Variants in SPEN observed in about 807,000 individuals in gnomAD.
The protein encoded by SPEN is msx2-interacting protein.
In SPEN, 18 loss-of-function variants were observed where a neutral mutation model predicts 269.9. That is an observed-to-expected ratio of 0.07 (90% CI 0.05 to 0.10). The LOEUF is 0.10. SPEN is among the 10% of genes least tolerant of loss of function. SPEN has a pLI of 1.00. For synonymous variants in SPEN, 1,726 were observed against 1,765.7 expected, an observed-to-expected ratio of 0.98 and a Z score of 0.56; for missense variants, 3,822 against 4,631.2, an observed-to-expected ratio of 0.83 and a Z score of 5.07.
intron 1 of SPEN, among the ~76,000 whole-genome samples, chr1:15,858,802 G>A (rs1449829065): frequency 1.3e-5 from 2 of 152,022 alleles, no homozygotes; most frequent in Admixed American, 1.3e-4. Context: ...AAAAAACCCG[G>A]GCACGATGGC....
chr1:15,872,560 A>G (rs2070590829), intron 1 of SPEN, among the ~76,000 whole-genome samples: 1 of 150,892 alleles, frequency 6.6e-6, no homozygotes, highest in Non-Finnish European at 1.5e-5. Context: ...AGATTGTGCC[A>G]CTGCACTCCA....
Position 15,939,523 on chromosome 1 carries a change from G to T in SPEN, c.*96G>T. On this transcript the variant is annotated 3_prime_UTR_variant, in exon 15 of 15. Transcript: ENST00000375759. This position sits in a 1 kb window ranked among gnomAD's most constrained non-coding sequence, Gnocchi z 4.1. ...AAGCAGAGGAAGAAGCTGCCGAAGG[G>T]GACAGACTCCACTGCCAGACGGCCA... 3 of 1,400,748 alleles carry T rather than the reference G, an allele frequency of 2.1e-6. No homozygotes were observed. Among genetic ancestry groups the T allele is most frequent in the Non-Finnish European group, 2.8e-6 (3 of 1,059,712 alleles). The allele number at this position is 1,400,748 out of a possible 1,614,324, so 86.8% of individuals were successfully genotyped here.
intron 1 of SPEN, among the ~76,000 whole-genome samples, chr1:15,855,069 T>C (rs990566814): frequency 6.6e-6 from 1 of 152,180 alleles, no homozygotes; most frequent in African/African-American, 2.4e-5. Flanking sequence ...ATTTAAAGAT[T>C]TGTATTATAT....
chr1:15,937,134 T>C lies in SPEN; in HGVS notation c.10027-29T>C, dbSNP rs1327123380. The stretch of plus-strand genomic sequence containing the variant: ...GGGCTTGTGCACAACAGACTGACTC[T>C]GTCCCTTTGCCTTCCTTCCCTACAC... On this transcript the variant is annotated intron_variant, in intron 11 of 14. Transcript: ENST00000375759. The surrounding 1 kb of genome is among the most constrained non-coding windows in gnomAD (Gnocchi z 5.7). 1 of 1,595,560 alleles carries C rather than the reference T, an allele frequency of 6.3e-7. No homozygotes were observed. The highest frequency in any genetic ancestry group is 1.3e-5 in the African/African-American group (1 of 74,542).
chr1:15,878,564 C>G (rs1382071375), intron 3 of SPEN, among the ~76,000 whole-genome samples: 2 of 152,170 alleles, frequency 1.3e-5, no homozygotes, highest in Non-Finnish European at 2.9e-5. Context: ...TGATGAAATT[C>G]ATTTGAACCC....
At position 15,919,409 on chromosome 1, in the gene SPEN, T is replaced by G; in HGVS notation, c.1527T>G (p.Gly509=). 6.3e-7 allele frequency: 1 copy of G among 1,592,834 alleles called. No individual in the cohort carries two copies. Among genetic ancestry groups the G allele is most frequent in the Non-Finnish European group, 8.5e-7 (1 of 1,174,556 alleles). The part of the protein sequence containing the change: ...EYLGNNRLKL[G]FGKSMPTNCV... ...ATTTTGCCTTTTATATTCAGCTGGG[T>G]TTTGGAAAGAGCATGCCTACAAACT... Residue 509 remains glycine (G), a synonymous_variant, in exon 8 of 15, where the codon GGT becomes GGG. Coordinates refer to ENST00000375759, the MANE Select transcript of SPEN (RefSeq NM_015001.3).
At chr1:15,894,646 T>A (rs1293446720) in intron 3 of SPEN, among the ~76,000 whole-genome samples, 1 of 149,504 alleles carries the variant, frequency 6.7e-6, no homozygotes. Flanking sequence ...GTTCAAATGA[T>A]TCTCGTGCCT....
In SPEN at chr1:15,922,342, G is replaced by A. The variant is rs767352538; in HGVS notation, c.1843G>A (p.Glu615Lys). The A allele has an allele frequency of 5.0e-6, 8 of 1,601,138 alleles. No homozygotes were observed. The highest frequency in any genetic ancestry group is 1.1e-5 in the South Asian group (1 of 87,806). Residue 615 changes from glutamate (E) to lysine (K), a missense_variant, in exon 10 of 15, where the codon GAA (glutamate) becomes AAA (lysine). Physicochemically the swap from Glu to Lys is moderately conservative, Grantham distance 56 (BLOSUM62 1). Around this residue, in one of 16 missense-constraint regions of SPEN, gnomAD observed 230 missense variants for 426.1 expected, o/e 0.54. Coordinates refer to ENST00000375759, the MANE Select transcript of SPEN (RefSeq NM_015001.3). ...CAGAGACTTTTATGAAATGTTAGCC[G>A]AAAGAAGGTATGTATTTTAAACTTA... ...DIRDFYEMLA[E>K]RREERRASYD...
chr1:15,910,293 A>C (rs902768646), intron 4 of SPEN, among the ~76,000 whole-genome samples: 1 of 152,058 alleles, frequency 6.6e-6, no homozygotes, highest in Non-Finnish European at 1.5e-5. Flanking sequence ...GCCTTTCTAT[A>C]CACCTTTTAT....
At position 15,928,901 on chromosome 1, in the gene SPEN, G is replaced by A; in HGVS notation, c.2661G>A (p.Glu887=). The A allele has an allele frequency of 6.2e-7, 1 of 1,614,174 alleles. No individual in the cohort carries two copies. Among genetic ancestry groups the A allele is most frequent in the African/African-American group, 1.3e-5 (1 of 75,040 alleles). The change falls in exon 11 of 15, where the codon GAG becomes GAA. Residue 887 remains glutamate (E), a synonymous_variant. Coordinates refer to ENST00000375759, the MANE Select transcript of SPEN (RefSeq NM_015001.3). The surrounding 1 kb of genome is among the most constrained non-coding windows in gnomAD (Gnocchi z 5.7). Reference sequence around the variant, plus strand: ...TTTTGACTCGAGTGAAAGAGAAAGAGGGAAAGGTCATTGACCACACTCCTG... The same window carrying A: ...TTTTGACTCGAGTGAAAGAGAAAGAAGGAAAGGTCATTGACCACACTCCTG... ...CVVLTRVKEK[E]GKVIDHTPVE...
Position 15,938,895 on chromosome 1 carries a change from T to C in SPEN, c.10863+19T>C. ...CAATCAGGTCGGTTGTCCTGTGTCC[T>C]TCCTTCACATGTACACCCACAGGTG... On this transcript the variant is annotated intron_variant, in intron 14 of 14. Transcript: ENST00000375759. 1 of 1,609,816 alleles carries C rather than the reference T, an allele frequency of 6.2e-7. No individual in the cohort carries two copies. The highest frequency in any genetic ancestry group is 8.5e-7 in the Non-Finnish European group (1 of 1,177,924).
At chr1:15,898,482 T>C in intron 3 of SPEN, among the ~76,000 whole-genome samples, 1 of 151,904 alleles carries the variant, frequency 6.6e-6, no homozygotes, top group East Asian at 1.9e-4. Flanking sequence ...GTATGGCTGG[T>C]TTATTTCATT....
rs748386052 is a variant in SPEN, at chr1:15,873,062, T to G, written c.330T>G (p.Gly110=). 1 of 1,614,098 alleles carries G rather than the reference T, an allele frequency of 6.2e-7. No individual in the cohort carries two copies. The highest frequency in any genetic ancestry group is 8.5e-7 in the Non-Finnish European group (1 of 1,180,012). ...RSREVSGFRG[G]GGGPAYGPPP... Reference sequence around the variant, plus strand: ...GAGAGGTTTCTGGGTTCAGAGGAGGTGGTGGAGGGCCTGCTTATGGTCCCC... The same window carrying G: ...GAGAGGTTTCTGGGTTCAGAGGAGGGGGTGGAGGGCCTGCTTATGGTCCCC... The change falls in exon 2 of 15, where the codon GGT becomes GGG. Residue 110 remains glycine, a synonymous_variant. Transcript: ENST00000375759.
chr1:15,933,928 G>C lies in SPEN; in HGVS notation c.7688G>C (p.Ser2563Thr). ...SVTTAIAEPV[S>T]AAPCLHEAPP... ...ACCACAGCCATTGCAGAGCCTGTCAGTGCTGCCCCTTGCCTACATGAGGCC... is the reference window on the plus strand; with the variant it reads ...ACCACAGCCATTGCAGAGCCTGTCACTGCTGCCCCTTGCCTACATGAGGCC... The change falls in exon 11 of 15, where the codon AGT becomes ACT. Residue 2563 changes from serine to threonine, a missense_variant. Physicochemically the swap from Ser to Thr is moderately conservative, Grantham distance 58. Coordinates refer to ENST00000375759, the MANE Select transcript of SPEN (RefSeq NM_015001.3). This position sits in a 1 kb window ranked among gnomAD's most constrained non-coding sequence, Gnocchi z 5.7. The C allele has an allele frequency of 6.2e-7, 1 of 1,614,064 alleles. No homozygotes were observed. The highest frequency in any genetic ancestry group is 8.5e-7 in the Non-Finnish European group (1 of 1,180,010).
At chr1:15,874,080 A>G (rs1355168823) in intron 2 of SPEN, 9 of 1,334,560 alleles carry the variant, frequency 6.7e-6, no homozygotes, top group Non-Finnish European at 8.9e-6. Context: ...CTCTTCTGCC[A>G]GCTACCTGAT....
chr1:15,850,180 T>G (rs1028701263), intron 1 of SPEN, among the ~76,000 whole-genome samples: 3 of 152,046 alleles, frequency 2.0e-5, no homozygotes, highest in African/African-American at 4.8e-5. Context: ...GATCTCAGAA[T>G]GCACAGAGGG....
intron 4 of SPEN, 49 bp from the exon 5 acceptor site, chr1:15,911,052 T>C (rs998020558): frequency 6.8e-7 from 1 of 1,470,206 alleles, no homozygotes; most frequent in Non-Finnish European, 9.3e-7. Flanking sequence ...CTTATTTAGT[T>C]ATAATTAAAT....
At chr1:15,885,600 T>G (rs2070729933) in intron 3 of SPEN, among the ~76,000 whole-genome samples, 1 of 152,136 alleles carries the variant, frequency 6.6e-6, no homozygotes, top group Non-Finnish European at 1.5e-5. Context: ...CTTGGAAGGG[T>G]TAGGGAAGAA....
At position 15,931,253 on chromosome 1, in the gene SPEN, G is replaced by A; in HGVS notation, c.5013G>A (p.Glu1671=). ...KTVEAPLVTE[E]KTVEPATVSE... Reference sequence around the variant, plus strand: ...TAGAGGCGCCTTTGGTAACAGAAGAGAAGACTGTGGAGCCAGCTACCGTCT... The same window carrying A: ...TAGAGGCGCCTTTGGTAACAGAAGAAAAGACTGTGGAGCCAGCTACCGTCT... The change falls in exon 11 of 15, where the codon GAG becomes GAA. Residue 1671 remains glutamate, a synonymous_variant. Transcript: ENST00000375759. The surrounding 1 kb of genome is among the most constrained non-coding windows in gnomAD (Gnocchi z 4.8). 6.2e-7 allele frequency: 1 copy of A among 1,614,202 alleles called. No homozygotes were observed. Among genetic ancestry groups the A allele is most frequent in the Non-Finnish European group, 8.5e-7 (1 of 1,180,034 alleles).
Sources: gnomAD v4.1 joint callset for allele counts (sites outside exome capture counted in the v4.1 genomes callset) on GRCh38, gnomAD v4.1.1 for gene constraint, gnomAD v4.1.1 regional missense constraint, Gnocchi (gnomAD v3.1) non-coding constraint, MANE v1.5 for transcripts, NCBI Gene and HGNC (gene_info 2026-07-23, HGNC 2026-07-21) for gene names.